OLFM3: variants seen among roughly 807,000 people sequenced by gnomAD.
OLFM3 encodes olfactomedin 3, also known as noelin-3.
Under a neutral mutation model 48.6 loss-of-function variants are expected in OLFM3, and 20 were observed. The observed-to-expected ratio is 0.41, with a 90% confidence interval of 0.29 to 0.60. The LOEUF (loss-of-function observed/expected upper bound fraction) is 0.60. Ranked by LOEUF, OLFM3 falls within the 20% of genes least tolerant of loss-of-function variation. The pLI is 0.28. For synonymous variants in OLFM3, 222 were observed against 198.1 expected, an observed-to-expected ratio of 1.12 and a Z score of -1.01; for missense variants, 437 against 544.3, an observed-to-expected ratio of 0.80 and a Z score of 1.96.
intron 1 of OLFM3, among the ~76,000 whole-genome samples, chr1:101,939,339 T>G (rs1048388289): frequency 2.6e-5 from 4 of 152,222 alleles, no homozygotes; most frequent in African/African-American, 9.6e-5. Context: ...AATGGTATTT[T>G]GAAAGTGGCT....
intron 1 of OLFM3, among the ~76,000 whole-genome samples, chr1:101,846,538 A>C (rs1437271190): frequency 6.6e-6 from 1 of 151,874 alleles, no homozygotes; most frequent in Non-Finnish European, 1.5e-5. Context: ...TAAGAAACAA[A>C]ACATATATAT....
At chr1:101,939,348 C>CT (rs879726146) in intron 1 of OLFM3, among the ~76,000 whole-genome samples, 4 of 151,812 alleles carry the variant, frequency 2.6e-5, no homozygotes, top group East Asian at 1.9e-4. Context: ...TTGAAAGTGG[C>CT]TTTTTTTTAA....
intron 4 of OLFM3, among the ~76,000 whole-genome samples, chr1:101,814,141 G>C (rs1013499671): frequency 6.6e-6 from 1 of 152,058 alleles, no homozygotes; most frequent in African/African-American, 2.4e-5. Context: ...TGGTTTTGTG[G>C]GGAAAATAGA....
At chr1:101,915,751 A>T (rs1177936947) in intron 1 of OLFM3, among the ~76,000 whole-genome samples, 1 of 152,178 alleles carries the variant, frequency 6.6e-6, no homozygotes, top group Non-Finnish European at 1.5e-5. Context: ...TTCAGAAGTT[A>T]TTTCCATATA....
At chr1:101,897,551 T>C (rs1658248665) in intron 1 of OLFM3, among the ~76,000 whole-genome samples, 1 of 152,090 alleles carries the variant, frequency 6.6e-6, no homozygotes, top group South Asian at 2.1e-4. Context: ...TGAAAAACAG[T>C]GTAAATTAAT....
intron 1 of OLFM3, among the ~76,000 whole-genome samples, chr1:101,852,016 G>A (rs1656240915): frequency 6.6e-6 from 1 of 152,028 alleles, no homozygotes; most frequent in Non-Finnish European, 1.5e-5. Context: ...GACAGCCCTA[G>A]GTTATATCTC....
intron 1 of OLFM3, among the ~76,000 whole-genome samples, chr1:101,950,407 C>T (rs945624067): frequency 2.6e-5 from 4 of 152,002 alleles, no homozygotes; most frequent in Non-Finnish European, 5.9e-5. Context: ...CCTTACCACA[C>T]CCATATTACT....
At chr1:101,869,114 C>A (rs1346019033) in intron 1 of OLFM3, among the ~76,000 whole-genome samples, 1 of 152,202 alleles carries the variant, frequency 6.6e-6, no homozygotes, top group East Asian at 1.9e-4. Context: ...GGAGCACTAC[C>A]TGTTGGACCT....
chr1:101,822,644 T>G (rs1401601424), intron 4 of OLFM3, among the ~76,000 whole-genome samples: 2 of 152,200 alleles, frequency 1.3e-5, no homozygotes, highest in African/African-American at 4.8e-5. Flanking sequence ...GGATATTTCT[T>G]TGTAAACTTC....
intron 1 of OLFM3, among the ~76,000 whole-genome samples, chr1:101,928,257 G>A (rs983877295): frequency 1.3e-5 from 2 of 152,044 alleles, no homozygotes; most frequent in African/African-American, 4.8e-5. Context: ...ATACTTTCAG[G>A]TGCAAGTCTT....
chr1:101,990,442 T>C (rs1661367536), intron 1 of OLFM3, among the ~76,000 whole-genome samples: 1 of 152,196 alleles, frequency 6.6e-6, no homozygotes. Flanking sequence ...CTAAATTTTA[T>C]GGTTTAAAAT....
chr1:101,896,017 A>C (rs564463034), intron 1 of OLFM3, among the ~76,000 whole-genome samples: 2 of 150,936 alleles, frequency 1.3e-5, no homozygotes, highest in South Asian at 4.2e-4. Context: ...AAGTATGCAT[A>C]GTATTTGCTT....
chr1:101,860,585 T>G lies in OLFM3; in HGVS notation c.70-23560A>C, dbSNP rs545028955. Among the ~76,000 whole-genome samples the G allele has an allele frequency of 5.3e-5, 8 of 152,194 alleles. No homozygotes were observed. The East Asian group carries it at 1.5e-3, about 29-fold the overall frequency. On this transcript the variant is annotated intron_variant, in intron 1 of 5. Coordinates refer to ENST00000370103, the MANE Select transcript of OLFM3 (RefSeq NM_058170.4). ...AATTTTCTCTTCAATCGTTAAAGAA[T>G]GTATACCTTCCAGCTACTGTTTAGT...
chr1:101,805,873 G>A (rs1051891229), intron 5 of OLFM3, among the ~76,000 whole-genome samples: 1 of 151,720 alleles, frequency 6.6e-6, no homozygotes, highest in Admixed American at 6.6e-5. Context: ...CTAAAGTGAT[G>A]AATTGGAAGA....
At chr1:101,841,963 T>C (rs1048202311) in intron 1 of OLFM3, among the ~76,000 whole-genome samples, 1 of 152,086 alleles carries the variant, frequency 6.6e-6, no homozygotes, top group African/African-American at 2.4e-5. Context: ...GAGAGTGACA[T>C]GTGGTTTAGC....
At chr1:101,892,172 A>AT (rs1658024773) in intron 1 of OLFM3, among the ~76,000 whole-genome samples, 1 of 151,984 alleles carries the variant, frequency 6.6e-6, no homozygotes, top group Non-Finnish European at 1.5e-5. Flanking sequence ...TCTGCAATTT[A>AT]TTTTTCCTGT....
chr1:101,840,723 G>A (rs770628542), intron 1 of OLFM3, among the ~76,000 whole-genome samples: 8 of 151,972 alleles, frequency 5.3e-5, no homozygotes, highest in Non-Finnish European at 1.0e-4. Context: ...TGCCCGCCTC[G>A]GCCTCCCAAC....
chr1:101,986,827 A>G (rs1570692576), intron 1 of OLFM3, among the ~76,000 whole-genome samples: 1 of 152,190 alleles, frequency 6.6e-6, no homozygotes, highest in East Asian at 1.9e-4. Flanking sequence ...ATAGAAGGGT[A>G]ACTAGGTCTC....
intron 1 of OLFM3, among the ~76,000 whole-genome samples, chr1:101,955,419 C>T (rs1234371245): frequency 6.6e-6 from 1 of 151,862 alleles, no homozygotes; most frequent in Admixed American, 6.6e-5. Flanking sequence ...ACCTTTCTTG[C>T]TTTTTTGTGG....
Sources: gnomAD v4.1 joint callset for allele counts (sites outside exome capture counted in the v4.1 genomes callset) on GRCh38, gnomAD v4.1.1 for gene constraint, MANE v1.5 for transcripts, NCBI Gene and HGNC (gene_info 2026-07-23, HGNC 2026-07-21) for gene names.